CTNNA3: variants seen among roughly 807,000 people sequenced by gnomAD.
CTNNA3 encodes catenin alpha-3.
Under a neutral mutation model 95.7 loss-of-function variants are expected in CTNNA3, and 76 were observed. The ratio of observed to expected loss-of-function variants is 0.79; its 90% CI spans 0.66 to 0.96. The LOEUF (loss-of-function observed/expected upper bound fraction) is 0.96. Among genes scored for constraint, CTNNA3 ranks in the 40% least tolerant of loss-of-function variants. The probability of loss-of-function intolerance (pLI) is 0.00; values close to 1 mark genes in which losing one functional copy is unlikely to be tolerated. For missense variants in CTNNA3, 1,191 were observed against 1,089.8 expected, an observed-to-expected ratio of 1.09 and a Z score of -1.31; for synonymous variants, 431 against 374.4, an observed-to-expected ratio of 1.15 and a Z score of -1.74.
chr10:67,429,485 C>T (rs898854902), intron 5 of CTNNA3, among the ~76,000 whole-genome samples: 4 of 151,882 alleles, frequency 2.6e-5, no homozygotes, highest in Admixed American at 1.3e-4. Context: ...TTCCCCAAAG[C>T]AAGAAATACA....
chr10:67,211,592 G>C (rs1197385807), intron 6 of CTNNA3, among the ~76,000 whole-genome samples: 1 of 152,028 alleles, frequency 6.6e-6, no homozygotes, highest in South Asian at 2.1e-4. Context: ...CTATGTACCT[G>C]GCAACTTGCT....
intron 7 of CTNNA3, 116 bp downstream of exon 7, chr10:67,180,201 T>TA: frequency 1.1e-6 from 1 of 890,134 alleles, no homozygotes; most frequent in Non-Finnish European, 1.8e-6. Context: ...TCAACCTATG[T>TA]AAAATCACAT....
At chr10:67,445,215 A>C (rs1459790249) in intron 5 of CTNNA3, among the ~76,000 whole-genome samples, 2 of 152,064 alleles carry the variant, frequency 1.3e-5, no homozygotes, top group East Asian at 3.8e-4. Context: ...CACACACAAA[A>C]AAAGCAAGAA....
At chr10:67,579,930 G>C (rs1213921590) in intron 3 of CTNNA3, among the ~76,000 whole-genome samples, 1 of 152,172 alleles carries the variant, frequency 6.6e-6, no homozygotes, top group Non-Finnish European at 1.5e-5. Context: ...ATTTGTTTAA[G>C]TTCTTTATCG....
At chr10:67,151,709 C>T (rs1398695840) in intron 7 of CTNNA3, among the ~76,000 whole-genome samples, 2 of 152,172 alleles carry the variant, frequency 1.3e-5, no homozygotes, top group East Asian at 1.9e-4. Context: ...GTTCAGTTTA[C>T]GGAGTATCAC....
chr10:66,303,187 C>A (rs2091887888), intron 12 of CTNNA3, among the ~76,000 whole-genome samples: 1 of 151,994 alleles, frequency 6.6e-6, no homozygotes, highest in South Asian at 2.1e-4. Flanking sequence ...TTTAGCGTTG[C>A]CTTGGTTATT....
intron 10 of CTNNA3, among the ~76,000 whole-genome samples, chr10:66,600,915 A>G (rs547586533): frequency 6.2e-4 from 94 of 152,060 alleles, no homozygotes; most frequent in South Asian, 2.1e-3. Flanking sequence ...GAATTACACA[A>G]TTATGAGTAA....
intron 5 of CTNNA3, among the ~76,000 whole-genome samples, chr10:67,480,719 G>C (rs2133051267): frequency 6.6e-6 from 1 of 152,212 alleles, no homozygotes; most frequent in South Asian, 2.1e-4. Flanking sequence ...CAGTAAATAG[G>C]TGGGTCAAAC....
intron 15 of CTNNA3, among the ~76,000 whole-genome samples, chr10:66,021,849 T>G (rs1283839593): frequency 7.6e-6 from 1 of 131,352 alleles, no homozygotes; most frequent in African/African-American, 2.8e-5. Flanking sequence ...TACAGGATCT[T>G]GGCTTTTTTT....
intron 7 of CTNNA3, among the ~76,000 whole-genome samples, chr10:67,085,334 C>T (rs1356143627): frequency 3.3e-5 from 5 of 151,408 alleles, no homozygotes; most frequent in Admixed American, 2.0e-4. Flanking sequence ...ATACTACATC[C>T]TATGAAATAA....
intron 6 of CTNNA3, among the ~76,000 whole-genome samples, chr10:67,219,115 T>C (rs1390683746): frequency 3.3e-5 from 5 of 152,214 alleles, no homozygotes; most frequent in African/African-American, 1.2e-4. Context: ...GCCCGATTCC[T>C]GAACTCTTTC....
At chr10:66,089,664 A>C (rs1166926909) in intron 14 of CTNNA3, among the ~76,000 whole-genome samples, 1 of 151,754 alleles carries the variant, frequency 6.6e-6, no homozygotes, top group East Asian at 1.9e-4. Flanking sequence ...TGTTTTTATC[A>C]CTACACAAGG....
chr10:67,594,601 C>A (rs1415619310), intron 3 of CTNNA3, among the ~76,000 whole-genome samples: 1 of 151,540 alleles, frequency 6.6e-6, no homozygotes, highest in South Asian at 2.1e-4. Context: ...ATGGTAATGT[C>A]CCCATTTTTA....
At chr10:67,459,888 C>A (rs1024039530) in intron 5 of CTNNA3, among the ~76,000 whole-genome samples, 2 of 152,170 alleles carry the variant, frequency 1.3e-5, no homozygotes, top group African/African-American at 2.4e-5. Context: ...TAAAACCAAG[C>A]ATGCTCCAAA....
chr10:67,756,656 C>A (rs1258159212), intron 1 of CTNNA3, among the ~76,000 whole-genome samples: 1 of 152,002 alleles, frequency 6.6e-6, no homozygotes, highest in African/African-American at 2.4e-5. Flanking sequence ...AGACAGAAAG[C>A]AGATTAGTGA....
intron 15 of CTNNA3, among the ~76,000 whole-genome samples, chr10:65,999,630 C>T (rs2078731946): frequency 6.6e-6 from 1 of 152,128 alleles, no homozygotes; most frequent in South Asian, 2.1e-4. Flanking sequence ...GAGTCTATAT[C>T]ATGCCAAACT....
chr10:66,038,455 C>T (rs1408797321), intron 15 of CTNNA3, among the ~76,000 whole-genome samples: 1 of 152,090 alleles, frequency 6.6e-6, no homozygotes, highest in Non-Finnish European at 1.5e-5. Context: ...GACTGCCAGA[C>T]CAGGAGCCTA....
chr10:65,944,265 C>T lies in CTNNA3; in HGVS notation c.2400+22347G>A, dbSNP rs139692031. 4.6e-5 allele frequency among the ~76,000 whole-genome samples: 7 copies of T among 152,350 alleles called. No individual in the cohort carries two copies. The East Asian group carries it at 1.2e-3, about 25-fold the overall frequency. ...AACAAACTACAGTTTCCCTGGAGCT[C>T]GTTTGTCACTTTTCCCTTTCTTTTA... is the stretch of plus-strand genomic sequence containing the variant. On this transcript the variant is annotated intron_variant, in intron 17 of 17. Transcript: ENST00000433211.
At position 67,488,438 on chromosome 10, in the gene CTNNA3, T is replaced by C. The variant is rs374991933; in HGVS notation, c.579+33404A>G. Among the ~76,000 whole-genome samples the C allele has an allele frequency of 4.7e-3, 713 of 152,162 alleles. 4 individuals carry two copies. The highest frequency in any genetic ancestry group is 0.027 in the South Asian group (132 of 4,812). On this transcript the variant is annotated intron_variant, in intron 5 of 17. Coordinates refer to ENST00000433211, the MANE Select transcript of CTNNA3 (RefSeq NM_013266.4). ...AGGCTGGAGTGTAGTGGCGCAATCT[T>C]GGCTCACTGCAACCTCGGCCTCCCA...
Sources: gnomAD v4.1 joint callset for allele counts (sites outside exome capture counted in the v4.1 genomes callset) on GRCh38, gnomAD v4.1.1 for gene constraint, MANE v1.5 for transcripts, NCBI Gene and HGNC (gene_info 2026-07-23, HGNC 2026-07-21) for gene names.